The following BCAS1 variants were observed in gnomAD, a reference collection of about 807,000 sequenced individuals.
BCAS1 encodes breast carcinoma-amplified sequence 1.
A neutral mutation model predicts 65.4 loss-of-function variants in BCAS1; 46 were observed. The ratio of observed to expected loss-of-function variants is 0.70; its 90% confidence interval spans 0.55 to 0.90. The LOEUF (loss-of-function observed/expected upper bound fraction) is 0.90. Ranked by LOEUF, BCAS1 falls within the 40% of genes least tolerant of loss-of-function variation. The pLI is 0.00. For synonymous variants in BCAS1, 298 were observed against 293.5 expected (o/e 1.02, Z -0.16); for missense variants, 793 against 771.2 (o/e 1.03, Z -0.33).
At chr20:53,969,342 C>G (rs891943458) in intron 9 of BCAS1, among the ~76,000 whole-genome samples, 3 of 152,062 alleles carry the variant, frequency 2.0e-5, no homozygotes, top group Admixed American at 2.0e-4. Flanking sequence ...GGATTAGGCA[C>G]CATGCACATA....
At chr20:53,977,940 C>T (rs2090376491) in intron 8 of BCAS1, among the ~76,000 whole-genome samples, 1 of 151,684 alleles carries the variant, frequency 6.6e-6, no homozygotes, top group Non-Finnish European at 1.5e-5. Context: ...GCACAATGTG[C>T]AGGTTAGTTA....
At chr20:53,994,916 C>CACACACAT in intron 6 of BCAS1, 96 bp downstream of exon 6, 2 of 911,628 alleles carry the variant, frequency 2.2e-6, no homozygotes, top group Non-Finnish European at 3.5e-6. Flanking sequence ...CACACACACA[C>CACACACAT]ATATATGTAT....
At chr20:53,990,600 A>C (rs1322297168) in intron 7 of BCAS1, among the ~76,000 whole-genome samples, 1 of 152,120 alleles carries the variant, frequency 6.6e-6, no homozygotes, top group Non-Finnish European at 1.5e-5. Flanking sequence ...GGGGAAATGG[A>C]GAGTATCACA....
intron 1 of BCAS1, among the ~76,000 whole-genome samples, chr20:54,060,381 C>T (rs574778496): frequency 3.3e-5 from 5 of 152,152 alleles, no homozygotes; most frequent in Non-Finnish European, 5.9e-5. Context: ...GGTGCAATCT[C>T]GGCTCACTGC....
intron 4 of BCAS1, among the ~76,000 whole-genome samples, chr20:54,007,492 G>C (rs1222284684): frequency 2.0e-5 from 3 of 152,188 alleles, no homozygotes; most frequent in Admixed American, 6.5e-5. Context: ...GAACACAGGA[G>C]CCCGCTGCCT....
chr20:53,981,521 T>C (rs1299685827), intron 8 of BCAS1, among the ~76,000 whole-genome samples: 2 of 151,894 alleles, frequency 1.3e-5, no homozygotes, highest in Non-Finnish European at 2.9e-5. Flanking sequence ...ATTCACTGAA[T>C]ATCAGTCATT....
intron 3 of BCAS1, among the ~76,000 whole-genome samples, chr20:54,043,743 GGGCTCC>G (rs2092045271): frequency 6.6e-6 from 1 of 152,114 alleles, no homozygotes; most frequent in Non-Finnish European, 1.5e-5. Flanking sequence ...CAGGAGGTCT[GGGCTCC>G]GGCTACAGAA....
intron 8 of BCAS1, among the ~76,000 whole-genome samples, chr20:53,983,707 T>G (rs1035655744): frequency 4.6e-5 from 7 of 152,196 alleles, no homozygotes; most frequent in African/African-American, 1.7e-4. Flanking sequence ...TCCGGTCCAG[T>G]GTGGGCCTCT....
chr20:54,035,331 A>G (rs1353907329), intron 3 of BCAS1, among the ~76,000 whole-genome samples: 2 of 148,146 alleles, frequency 1.4e-5, no homozygotes, highest in African/African-American at 2.5e-5. Context: ...AACCCGGGAG[A>G]CAGAGCTTGC....
In BCAS1 at chr20:54,002,902, T is replaced by G. The variant is rs1456948485; in HGVS notation, c.724-6852A>C. Reference sequence around the variant, plus strand: ...CAGTACCCATCATACTGAATCATAATTGATTAATTGCCAGTATCACCTGCT... The same window carrying G: ...CAGTACCCATCATACTGAATCATAAGTGATTAATTGCCAGTATCACCTGCT... On this transcript the variant is annotated intron_variant, in intron 4 of 12. Transcript: ENST00000688948. 2.0e-5 allele frequency among the ~76,000 whole-genome samples: 3 copies of G among 152,132 alleles called. No homozygotes were observed. The East Asian group carries it at 5.8e-4, about 29-fold the overall frequency.
chr20:54,006,687 G>A (rs1298412938), intron 4 of BCAS1, among the ~76,000 whole-genome samples: 3 of 149,538 alleles, frequency 2.0e-5, no homozygotes, highest in African/African-American at 7.5e-5. Context: ...TCCAGCCTGG[G>A]CGACAGAGTG....
chr20:53,981,571 A>G (rs1470444387), intron 8 of BCAS1, among the ~76,000 whole-genome samples: 4 of 150,520 alleles, frequency 2.7e-5, no homozygotes, highest in Admixed American at 2.0e-4. Context: ...GATCCTCCCA[A>G]TAAACACGAA....
chr20:54,023,346 G>A (rs73133443), intron 4 of BCAS1, among the ~76,000 whole-genome samples: 2,952 of 152,338 alleles, frequency 0.019, 38 homozygotes, highest in Middle Eastern at 0.058. Flanking sequence ...TGTGTCAGGA[G>A]TGATATGCTT....
intron 10 of BCAS1, among the ~76,000 whole-genome samples, chr20:53,962,103 A>G (rs1304968300): frequency 1.3e-5 from 2 of 152,224 alleles, no homozygotes; most frequent in African/African-American, 4.8e-5. Context: ...TCCTTCAGAA[A>G]TCTTTCCTTA....
chr20:53,963,452 G>C (rs1218074099), intron 10 of BCAS1, among the ~76,000 whole-genome samples: 1 of 151,844 alleles, frequency 6.6e-6, no homozygotes, highest in South Asian at 2.1e-4. Context: ...TTGCACTCCA[G>C]CCTGGGGGAC....
rs1390502331 is a variant in BCAS1, at chr20:54,028,749, A to G, written c.366T>C (p.Asp122=). ...TCGCTGGAGCTTTATTGGAGCTGACATCAAGCTTCACTGATCCAAGGGATG... is the reference window on the plus strand; with the variant it reads ...TCGCTGGAGCTTTATTGGAGCTGACGTCAAGCTTCACTGATCCAAGGGATG... ...ADSSLGSVKL[D]VSSNKAPANK... is the part of the protein sequence containing the mutation. The change falls in exon 4 of 13, where the codon GAT becomes GAC. Residue 122 remains aspartate (D), a synonymous_variant. Coordinates refer to ENST00000688948, the MANE Select transcript of BCAS1 (RefSeq NM_001366298.2). 6.2e-7 allele frequency: 1 copy of G among 1,614,204 alleles called. No individual in the cohort carries two copies. Among genetic ancestry groups the G allele is most frequent in the Non-Finnish European group, 8.5e-7 (1 of 1,180,032 alleles).
chr20:54,046,929 C>A (rs1192211410), intron 3 of BCAS1, among the ~76,000 whole-genome samples: 1 of 151,766 alleles, frequency 6.6e-6, no homozygotes, highest in African/African-American at 2.4e-5. Flanking sequence ...AGCTGGGGTG[C>A]CTTGAAAGGA....
intron 12 of BCAS1, among the ~76,000 whole-genome samples, chr20:53,950,510 C>T (rs1425492637): frequency 6.6e-6 from 1 of 151,686 alleles, no homozygotes. Flanking sequence ...TATCGCGGGA[C>T]CTTGTTTATT....
At chr20:53,993,254 C>T (rs117215988) in intron 6 of BCAS1, among the ~76,000 whole-genome samples, 32 of 152,320 alleles carry the variant, frequency 2.1e-4, no homozygotes, top group Non-Finnish European at 4.1e-4. Context: ...CCGAAATAGC[C>T]TGGCTACAAC....
Sources: gnomAD v4.1 joint callset for allele counts (sites outside exome capture counted in the v4.1 genomes callset) on GRCh38, gnomAD v4.1.1 for gene constraint, MANE v1.5 for transcripts, NCBI Gene and HGNC (gene_info 2026-07-23, HGNC 2026-07-21) for gene names.